The following FAM20A variants were observed in gnomAD, a reference collection of about 807,000 sequenced individuals.
FAM20A encodes the protein pseudokinase FAM20A.
Under a neutral mutation model 52.0 loss-of-function variants are expected in FAM20A, and 42 were observed. The observed-to-expected ratio is 0.81, with a 90% CI of 0.63 to 1.04. FAM20A has a LOEUF of 1.04. Ranked by LOEUF, FAM20A falls within the 50% of genes least tolerant of loss-of-function variation. The pLI, the probability that FAM20A is intolerant of heterozygous loss-of-function variation, is 0.00. For synonymous variants in FAM20A, 304 were observed against 298.9 expected (o/e 1.02, Z -0.18); for missense variants, 742 against 712.7 (o/e 1.04, Z -0.47).
chr17:68,537,404 G>A lies in FAM20A; in HGVS notation c.*73C>T, dbSNP rs1279194284. On this transcript the variant is annotated 3_prime_UTR_variant, in exon 11 of 11. Transcript: ENST00000592554. This position sits in a 1 kb window ranked among gnomAD's most constrained non-coding sequence, Gnocchi z 4.2. ...TCCCAGCAGTAACAGGTGGGAGTGA[G>A]GACGCAGGGTCGGCACTCGAGTCGA... The A allele has an allele frequency of 1.9e-6, 3 of 1,591,116 alleles. No homozygotes were observed. Among genetic ancestry groups the A allele is most frequent in the African/African-American group, 2.7e-5 (2 of 74,430 alleles).
intron 1 of FAM20A, chr17:68,558,419 T>C (rs1201627886): frequency 5.0e-6 from 2 of 396,956 alleles, no homozygotes; most frequent in South Asian, 1.9e-5. Context: ...TGGGAGGTAA[T>C]TGTAACATAG....
chr17:68,547,343 A>T (rs2086617985), intron 4 of FAM20A, among the ~76,000 whole-genome samples: 1 of 152,214 alleles, frequency 6.6e-6, no homozygotes, highest in African/African-American at 2.4e-5. Context: ...ACATATGTAT[A>T]CATGTGTGTT....
intron 1 of FAM20A, among the ~76,000 whole-genome samples, chr17:68,559,334 C>G (rs1237334585): frequency 6.6e-6 from 1 of 152,344 alleles, no homozygotes; most frequent in East Asian, 1.9e-4. Flanking sequence ...TATTTTCCCT[C>G]AAAAGCCATG....
chr17:68,575,382 C>CAT (rs3059287), intron 1 of FAM20A, among the ~76,000 whole-genome samples: 28,111 of 128,950 alleles, frequency 0.22, 3,969 homozygotes, highest in Admixed American at 0.34. Flanking sequence ...CTTTACTTTA[C>CAT]ATATATATAT....
At chr17:68,544,783 C>G (rs1403699404) in intron 4 of FAM20A, among the ~76,000 whole-genome samples, 1 of 152,238 alleles carries the variant, frequency 6.6e-6, no homozygotes, top group Non-Finnish European at 1.5e-5. Flanking sequence ...AGGACAATCC[C>G]TCTTCCCAGT....
chr17:68,549,549 G>A (rs952322239), intron 4 of FAM20A, among the ~76,000 whole-genome samples: 1 of 150,674 alleles, frequency 6.6e-6, no homozygotes, highest in Admixed American at 6.6e-5. Flanking sequence ...AATTTTGCTC[G>A]GAGAACAGAA....
rs1355603023 is a variant in FAM20A at position 68,575,528 on chromosome 17, AAT to A, written c.405-19787_405-19786del. On this transcript the variant is annotated intron_variant, in intron 1 of 10. Transcript: ENST00000592554. Reference sequence around the variant, plus strand: ...ATATTATATATTTTATATATTATATAATATATATTTTATATATTATATAATAT... The same window carrying A: ...ATATTATATATTTTATATATTATATAATATATTTTATATATTATATAATAT... Among the ~76,000 whole-genome samples, 68 of 69,998 alleles carry A rather than the reference AAT, an allele frequency of 9.7e-4. 1 individual carries two copies. In the South Asian group the frequency reaches 0.032, roughly 33 times the overall value. The allele number at this position is 69,998 out of a possible 152,430, so 45.9% of individuals were successfully genotyped here.
chr17:68,581,350 T>TTTTCTTTCTTTCTCTTTCTTTCTTTC, intron 1 of FAM20A, among the ~76,000 whole-genome samples: 1 of 92,278 alleles, frequency 1.1e-5, no homozygotes, highest in East Asian at 3.9e-4. Flanking sequence ...GAAATGCAGT[T>TTTTCTTTCTTTCTCTTTCTTTCTTTC]TTTCTTTCTT....
At chr17:68,557,309 A>G (rs901028974) in intron 1 of FAM20A, among the ~76,000 whole-genome samples, 2 of 152,196 alleles carry the variant, frequency 1.3e-5, no homozygotes, top group African/African-American at 2.4e-5. Flanking sequence ...AGTGATTGCA[A>G]TGGACTGAAT....
intron 1 of FAM20A, among the ~76,000 whole-genome samples, chr17:68,572,006 A>AT (rs1415712688): frequency 5.0e-5 from 2 of 40,292 alleles, no homozygotes; most frequent in Non-Finnish European, 1.1e-4. Context: ...ATATATATAT[A>AT]TATATATATA....
In FAM20A at chr17:68,536,937, G is replaced by T. The variant is rs1317147761; in HGVS notation, c.*540C>A. On this transcript the variant is annotated 3_prime_UTR_variant, in exon 11 of 11. Transcript: ENST00000592554. ...CCGGGCAGTAGGGATTACTGATTCA[G>T]ATGGGTCCAGTGACTAGAATATGAG... 6 of 454,252 alleles carry T rather than the reference G, an allele frequency of 1.3e-5. No homozygotes were observed. Among genetic ancestry groups the T allele is most frequent in the Non-Finnish European group, 2.6e-5 (6 of 226,918 alleles). The allele number at this position is 454,252 out of a possible 1,614,324, so 28.1% of individuals were successfully genotyped here. A position where few individuals can be genotyped will look rare whatever the true frequency, so the allele number is the denominator to read the frequency against.
intron 1 of FAM20A, among the ~76,000 whole-genome samples, chr17:68,577,519 G>T (rs2087808551): frequency 6.6e-6 from 1 of 152,206 alleles, no homozygotes; most frequent in South Asian, 2.1e-4. Flanking sequence ...GGAGAGTGCT[G>T]AGGGCTGTTG....
At position 68,537,621 on chromosome 17, in the gene FAM20A, G is replaced by A; in HGVS notation, c.1482C>T (p.His494=). 1 of 1,613,802 alleles carries A rather than the reference G, an allele frequency of 6.2e-7. No individual in the cohort carries two copies. The highest frequency in any genetic ancestry group is 8.5e-7 in the Non-Finnish European group (1 of 1,179,898). ...DQLSPVLTEP[H]LLALDRRLQT... is the part of the protein sequence containing the mutation. ...GGAGCCTTCGATCCAGGGCAAGGAGGTGGGGTTCAGTGAGGACAGGGCTGA... is the reference window on the plus strand; with the variant it reads ...GGAGCCTTCGATCCAGGGCAAGGAGATGGGGTTCAGTGAGGACAGGGCTGA... The change falls in exon 11 of 11, where the codon CAC becomes CAT. Residue 494 remains histidine, a synonymous_variant. Coordinates refer to ENST00000592554, the MANE Select transcript of FAM20A (RefSeq NM_017565.4). The surrounding 1 kb of genome is among the most constrained non-coding windows in gnomAD (Gnocchi z 4.2).
intron 4 of FAM20A, among the ~76,000 whole-genome samples, chr17:68,550,405 G>T (rs1315985712): frequency 4.4e-5 from 5 of 112,990 alleles, no homozygotes; most frequent in Non-Finnish European, 6.7e-5. Context: ...TTAAGATAGA[G>T]AGTCTCCCTC....
chr17:68,566,363 A>G (rs928338890), intron 1 of FAM20A, among the ~76,000 whole-genome samples: 3 of 152,336 alleles, frequency 2.0e-5, no homozygotes, highest in African/African-American at 7.2e-5. Context: ...CTGATTATGG[A>G]AAGAAGTTGG....
Position 68,535,685 on chromosome 17 carries a change from A to AT in FAM20A, c.*1791dup, listed in dbSNP as rs2086078256. 1 of 440,922 alleles carries AT rather than the reference A, an allele frequency of 2.3e-6. No individual in the cohort carries two copies. Among genetic ancestry groups the AT allele is most frequent in the Non-Finnish European group, 4.5e-6 (1 of 223,112 alleles). 27.3% of individuals were successfully genotyped at this position (440,922 alleles called of 1,614,324 possible). A position where few individuals can be genotyped will look rare whatever the true frequency, so the allele number is the denominator to read the frequency against. On this transcript the variant is annotated 3_prime_UTR_variant, in exon 11 of 11. Coordinates refer to ENST00000592554, the MANE Select transcript of FAM20A (RefSeq NM_017565.4). ...TAAAAAAAAATTTTTTTTTTTTTGT[A>AT]TTTTTTTGTAGAGACAGGGTTTTGT...
chr17:68,561,452 C>A (rs2087208764), intron 1 of FAM20A, among the ~76,000 whole-genome samples: 1 of 152,166 alleles, frequency 6.6e-6, no homozygotes, highest in Non-Finnish European at 1.5e-5. Context: ...CAAAACATTT[C>A]CATTTGTATT....
chr17:68,535,136 A>G lies in FAM20A; in HGVS notation c.*2341T>C, dbSNP rs769119546. ...AGTTCTCAGAGTCAAGAGACTTTTT[A>G]TTTCATGGGAGGTAAACAGTTCAAA... On this transcript the variant is annotated 3_prime_UTR_variant, in exon 11 of 11. Coordinates refer to ENST00000592554, the MANE Select transcript of FAM20A (RefSeq NM_017565.4). 5.4e-6 allele frequency: 2 copies of G among 371,014 alleles called. No homozygotes were observed. The highest frequency in any genetic ancestry group is 1.0e-5 in the Non-Finnish European group (2 of 190,990). 23.0% of individuals were successfully genotyped at this position (371,014 alleles called of 1,614,324 possible). A position where few individuals can be genotyped will look rare whatever the true frequency, so the allele number is the denominator to read the frequency against.
At chr17:68,542,848 C>G in intron 5 of FAM20A, 39 bp from the exon 6 acceptor site, 1 of 1,504,492 alleles carries the variant, frequency 6.6e-7, no homozygotes, top group East Asian at 2.3e-5. Flanking sequence ...GAGGGATGAT[C>G]AGGGAGTGAG....
Sources: allele counts gnomAD v4.1 joint callset (sites outside exome capture counted in the v4.1 genomes callset), GRCh38; gene constraint gnomAD v4.1.1; non-coding constraint Gnocchi (gnomAD v3.1); transcripts MANE v1.5; gene names NCBI Gene and HGNC (gene_info 2026-07-23, HGNC 2026-07-21).